BCL6: variants seen among roughly 807,000 people sequenced by gnomAD.
BCL6 encodes the protein BCL6 transcription repressor, also known as B-cell lymphoma 6 protein.
Under a neutral mutation model 59.5 loss-of-function variants are expected in BCL6, and 7 were observed. That is an observed-to-expected ratio of 0.12 (90% CI 0.07 to 0.22). BCL6 has a LOEUF of 0.22. Ranked by LOEUF, BCL6 falls within the 10% of genes least tolerant of loss-of-function variation. BCL6 has a pLI of 1.00. For missense variants in BCL6, 685 were observed against 939.4 expected (o/e 0.73, Z 3.54); for synonymous variants, 339 against 349.7 (o/e 0.97, Z 0.34).
chr3:187,728,145 G>C (rs1253799756), intron 6 of BCL6, among the ~76,000 whole-genome samples: 1 of 152,198 alleles, frequency 6.6e-6, no homozygotes, highest in Non-Finnish European at 1.5e-5. Context: ...GATTACCCCA[G>C]ATCAACTCTA....
chr3:187,722,737 C>T (rs1718486082), intron 9 of BCL6, 136 bp from the exon 10 acceptor site: 10 of 1,080,082 alleles, frequency 9.3e-6, no homozygotes, highest in Non-Finnish European at 1.3e-5. Context: ...GGTGAAGAAC[C>T]CATATGCATC....
chr3:187,745,198 A>C (rs540909297), intron 1 of BCL6, among the ~76,000 whole-genome samples: 3 of 152,308 alleles, frequency 2.0e-5, no homozygotes, highest in East Asian at 1.9e-4. Flanking sequence ...ATTTATTTTA[A>C]CACCTGACAG....
In BCL6 at chr3:187,729,494, T is replaced by C. The variant is rs1718913404; in HGVS notation, c.911A>G (p.Glu304Gly). ...AATCTCATCTTCCGAGGAGGGTCTC[T>C]CTTCTTCTTTGCTGGCCTTGTCACA... ...FPCDKASKEE[E>G]RPSSEDEIAL... Residue 304 changes from glutamate to glycine, a missense_variant, in exon 5 of 10, where the codon GAG (glutamate) becomes GGG (glycine). Glu to Gly is a moderately conservative substitution (Grantham distance 98, BLOSUM62 -2). This residue lies in a region of BCL6 where 268 missense variants were observed against 263.8 expected (regional missense o/e 1.02). Transcript: ENST00000406870. This position sits in a 1 kb window ranked among gnomAD's most constrained non-coding sequence, Gnocchi z 5.6. The C allele has an allele frequency of 2.5e-6, 4 of 1,613,454 alleles. No homozygotes were observed. The highest frequency in any genetic ancestry group is 3.4e-6 in the Non-Finnish European group (4 of 1,179,742).
rs143197889 is a variant in BCL6 at position 187,727,280 on chromosome 3, A to G, written c.1541-382T>C. On this transcript the variant is annotated intron_variant, in intron 6 of 9. Coordinates refer to ENST00000406870, the MANE Select transcript of BCL6 (RefSeq NM_001706.5). ...ATTTACATTTATACACAGAAGCCCT[A>G]GGGCAAGACCCTTTACCTCTGAGCC... 5.2e-5 allele frequency among the ~76,000 whole-genome samples: 8 copies of G among 152,388 alleles called. No individual in the cohort carries two copies. The East Asian group carries it at 1.5e-3, about 29-fold the overall frequency.
At chr3:187,739,157 T>C (rs1054015135) in intron 1 of BCL6, among the ~76,000 whole-genome samples, 2 of 152,212 alleles carry the variant, frequency 1.3e-5, no homozygotes, top group African/African-American at 4.8e-5. Flanking sequence ...TGTTGGATTA[T>C]TGGTAATCTA....
At chr3:187,738,422 T>C (rs542040006) in intron 1 of BCL6, among the ~76,000 whole-genome samples, 187 of 152,244 alleles carry the variant, frequency 1.2e-3, no homozygotes, top group African/African-American at 4.4e-3. Flanking sequence ...CCAGCTCCAC[T>C]TGGTTTCCGC....
At chr3:187,736,619 G>T (rs917513127) in intron 1 of BCL6, 7 of 152,186 alleles carry the variant, frequency 4.6e-5, no homozygotes, top group African/African-American at 1.4e-4. Flanking sequence ...ATTCCCCTGT[G>T]TCCACTGTCA....
intron 7 of BCL6, 77 bp downstream of exon 7, chr3:187,726,654 C>T (rs1336098978): frequency 6.4e-7 from 1 of 1,558,478 alleles, no homozygotes; most frequent in South Asian, 1.2e-5. Context: ...AGGCCCCACA[C>T]AGCTTTCTCT....
At chr3:187,731,207 G>A (rs2108468589) in intron 4 of BCL6, among the ~76,000 whole-genome samples, 1 of 152,266 alleles carries the variant, frequency 6.6e-6, no homozygotes, top group African/African-American at 2.4e-5. Flanking sequence ...CATAAAAGGT[G>A]AGTAAGATAG....
Position 187,729,088 on chromosome 3 carries a change from G to A in BCL6, c.1317C>T (p.Thr439=), listed in dbSNP as rs1718879536. 3.9e-6 allele frequency: 6 copies of A among 1,539,476 alleles called. No homozygotes were observed. The highest frequency in any genetic ancestry group is 2.1e-5 in the Admixed American group (1 of 48,574). The part of the protein sequence containing the change: ...TKLSASGEDS[T]IPQASRLNNI... ...TATTGAGCCGGCTGGCTTGTGGGAT[G>A]GTGGAGTCCTCCCCGCTGGCACTCA... Residue 439 remains threonine, a synonymous_variant, in exon 5 of 10, where the codon ACC becomes ACT. Transcript: ENST00000406870. The surrounding 1 kb of genome is among the most constrained non-coding windows in gnomAD (Gnocchi z 5.6).
chr3:187,722,331 C>CCCCAAG lies in BCL6; in HGVS notation c.*126_*127insCTTGGG. On this transcript the variant is annotated 3_prime_UTR_variant, in exon 10 of 10. Transcript: ENST00000406870. Reference sequence around the variant, plus strand: ...CCCGACCCCCACCACCCCCAACCCCCAGCTATGATTTGCACTAGTGGATGA... The same window carrying CCCCAAG: ...CCCGACCCCCACCACCCCCAACCCCCCCCAAGAGCTATGATTTGCACTAGTGGATGA... 2.3e-6 allele frequency: 2 copies of CCCCAAG among 864,900 alleles called. No individual in the cohort carries two copies. The highest frequency in any genetic ancestry group is 3.0e-6 in the Non-Finnish European group (2 of 658,088). The allele number at this position is 864,900 out of a possible 1,614,324, so 53.6% of individuals were successfully genotyped here. A position where few individuals can be genotyped will look rare whatever the true frequency, so the allele number is the denominator to read the frequency against.
At chr3:187,727,068 T>G (rs1718747789) in intron 6 of BCL6, among the ~76,000 whole-genome samples, 170 bp from the exon 7 acceptor site, 1 of 152,188 alleles carries the variant, frequency 6.6e-6, no homozygotes, top group Non-Finnish European at 1.5e-5. Flanking sequence ...GGGACTTTAT[T>G]TTTCTTATCA....
chr3:187,726,843 T>C lies in BCL6; in HGVS notation c.1596A>G (p.Ser532=), dbSNP rs1718728363. 1.2e-6 allele frequency: 2 copies of C among 1,614,090 alleles called. No individual in the cohort carries two copies. The highest frequency in any genetic ancestry group is 1.7e-6 in the Non-Finnish European group (2 of 1,180,026). The stretch of plus-strand genomic sequence containing the variant: ...GGGTCTGCAGCGTGTGCCTCTTGAG[T>C]GAGGCCTCCTCAGAGAAGCGGCAGT... The part of the protein sequence containing the change: ...ECDCRFSEEA[S]LKRHTLQTHS... The change falls in exon 7 of 10, where the codon TCA becomes TCG. Residue 532 remains serine, a synonymous_variant. Coordinates refer to ENST00000406870, the MANE Select transcript of BCL6 (RefSeq NM_001706.5).
intron 1 of BCL6, among the ~76,000 whole-genome samples, chr3:187,738,287 C>T (rs538193630): frequency 6.6e-6 from 1 of 152,234 alleles, no homozygotes; most frequent in Non-Finnish European, 1.5e-5. Flanking sequence ...AATGTTTGAG[C>T]GAGACTTCAA....
At chr3:187,744,521 C>T (rs1226073838) in intron 1 of BCL6, among the ~76,000 whole-genome samples, 1 of 152,144 alleles carries the variant, frequency 6.6e-6, no homozygotes, top group African/African-American at 2.4e-5. Context: ...AGGAAGATCA[C>T]GGCTCTGAAA....
chr3:187,729,052 G>C lies in BCL6; in HGVS notation c.1353C>G (p.Asn451Lys). The C allele has an allele frequency of 6.6e-7, 1 of 1,522,978 alleles. No individual in the cohort carries two copies. The highest frequency in any genetic ancestry group is 8.8e-7 in the Non-Finnish European group (1 of 1,137,514). The allele number at this position is 1,522,978 out of a possible 1,614,324, so 94.3% of individuals were successfully genotyped here. A position where few individuals can be genotyped will look rare whatever the true frequency, so the allele number is the denominator to read the frequency against. ...ACCCAGACAGTCTCTGAAATCACCT[G>C]TTAACGATGTTATTGAGCCGGCTGG... ...PQASRLNNIV[N>K]RSMTGSPRSS... Residue 451 changes from asparagine (N) to lysine (K), a missense_variant and splice_region_variant, in exon 5 of 10, where the codon AAC becomes AAG. By Grantham distance (94) the Asn-to-Lys change is moderately conservative. Transcript: ENST00000406870. The surrounding 1 kb of genome is among the most constrained non-coding windows in gnomAD (Gnocchi z 5.6).
chr3:187,733,491 C>A (rs201951816), intron 3 of BCL6, 42 bp downstream of exon 3: 8 of 1,601,798 alleles, frequency 5.0e-6, no homozygotes, highest in Middle Eastern at 3.6e-4. Flanking sequence ...AGCACCATCA[C>A]CCCACTTTGA....
chr3:187,744,102 T>C (rs2108482865), intron 1 of BCL6, among the ~76,000 whole-genome samples: 1 of 152,230 alleles, frequency 6.6e-6, no homozygotes, highest in East Asian at 1.9e-4. Flanking sequence ...CGCAGTTCCC[T>C]TTTTACAGAG....
intron 1 of BCL6, among the ~76,000 whole-genome samples, chr3:187,744,621 C>A (rs1239284630): frequency 6.6e-6 from 1 of 152,134 alleles, no homozygotes; most frequent in African/African-American, 2.4e-5. Context: ...GCATTTTTTC[C>A]TTCCAAATCT....
Sources: gnomAD v4.1 joint callset for allele counts (sites outside exome capture counted in the v4.1 genomes callset) on GRCh38, gnomAD v4.1.1 for gene constraint, gnomAD v4.1.1 regional missense constraint, Gnocchi (gnomAD v3.1) non-coding constraint, MANE v1.5 for transcripts, NCBI Gene and HGNC (gene_info 2026-07-23, HGNC 2026-07-21) for gene names.